Variants in LAMA2 observed in about 807,000 individuals in gnomAD.
LAMA2 encodes laminin subunit alpha 2.
LAMA2 carries 269 observed loss-of-function variants against 364.8 expected under a neutral mutation model. The observed-to-expected ratio is 0.74, with a 90% CI of 0.67 to 0.82. The LOEUF is 0.82. Among genes scored for constraint, LAMA2 ranks in the 40% least tolerant of loss-of-function variants. The pLI, the probability that LAMA2 is intolerant of heterozygous loss-of-function variation, is 0.00. For synonymous variants in LAMA2, 1,379 were observed against 1,370.6 expected (o/e 1.01, Z -0.14); for missense variants, 3,807 against 3,873.2 (o/e 0.98, Z 0.45).
intron 4 of LAMA2, among the ~76,000 whole-genome samples, chr6:129,111,538 A>G (rs1226874448): frequency 1.3e-5 from 2 of 151,954 alleles, no homozygotes; most frequent in African/African-American, 4.8e-5. Flanking sequence ...GAAATTGCCA[A>G]TATTTGACTA....
intron 4 of LAMA2, among the ~76,000 whole-genome samples, chr6:129,129,956 G>A (rs903650012): frequency 6.7e-6 from 1 of 150,266 alleles, no homozygotes; most frequent in Admixed American, 6.6e-5. Context: ...ACATATTTTA[G>A]AGACTCAGTA....
chr6:129,252,841 T>G (rs980263477), intron 14 of LAMA2, among the ~76,000 whole-genome samples: 1 of 152,190 alleles, frequency 6.6e-6, no homozygotes, highest in Non-Finnish European at 1.5e-5. Context: ...CCAAACTGAA[T>G]AGAAATTCAA....
chr6:129,075,457 C>G (rs932271564), intron 3 of LAMA2, among the ~76,000 whole-genome samples: 3 of 152,150 alleles, frequency 2.0e-5, no homozygotes, highest in Non-Finnish European at 4.4e-5. Flanking sequence ...TTTCCTTTAT[C>G]TCATTAGAAG....
intron 37 of LAMA2, among the ~76,000 whole-genome samples, chr6:129,397,938 G>GAAAAA (rs58131786): frequency 9.7e-6 from 1 of 103,532 alleles, no homozygotes; most frequent in South Asian, 3.3e-4. Context: ...CTCCGTCTCA[G>GAAAAA]AAAAAAAAAA....
intron 40 of LAMA2, among the ~76,000 whole-genome samples, chr6:129,422,544 G>A (rs1344499441): frequency 6.6e-6 from 1 of 152,114 alleles, no homozygotes; most frequent in Non-Finnish European, 1.5e-5. Flanking sequence ...AACTTCTGCA[G>A]ATAGTAAAGG....
At chr6:129,309,487 G>A (rs868494993) in intron 22 of LAMA2, among the ~76,000 whole-genome samples, 38 of 152,130 alleles carry the variant, frequency 2.5e-4, no homozygotes, top group African/African-American at 8.9e-4. Context: ...TCATATTTTA[G>A]TTAAAGATAA....
intron 22 of LAMA2, among the ~76,000 whole-genome samples, chr6:129,310,054 C>T (rs1185898190): frequency 1.5e-4 from 22 of 151,544 alleles, no homozygotes; most frequent in African/African-American, 5.1e-4. Flanking sequence ...CGCCCGCTAC[C>T]ACGCCCGGCT....
intron 12 of LAMA2, among the ~76,000 whole-genome samples, chr6:129,218,921 TCTAC>T (rs1486691378): frequency 3.3e-5 from 5 of 152,194 alleles, no homozygotes; most frequent in Admixed American, 3.3e-4. Flanking sequence ...GAAACTTTCA[TCTAC>T]CTTAATGATG....
intron 1 of LAMA2, among the ~76,000 whole-genome samples, chr6:128,948,270 G>A (rs1176625052): frequency 6.6e-6 from 1 of 152,118 alleles, no homozygotes; most frequent in Admixed American, 6.6e-5. Flanking sequence ...CTATAAACCT[G>A]TAGTGGGAAC....
At chr6:128,903,753 G>A (rs886495910) in intron 1 of LAMA2, among the ~76,000 whole-genome samples, 2 of 152,030 alleles carry the variant, frequency 1.3e-5, no homozygotes, top group African/African-American at 4.8e-5. Context: ...TTAAGATAAA[G>A]AGCTTGGCAA....
chr6:129,453,185 T>G, intron 46 of LAMA2, 54 bp downstream of exon 46: 1 of 1,512,390 alleles, frequency 6.6e-7, no homozygotes. Context: ...TAGCTAGAGG[T>G]TAATCTGAAA....
chr6:129,328,271 C>G lies in LAMA2; in HGVS notation c.4177-7C>G. ...TTGCTGTCCTAATTGGCTTCCTTTT[C>G]TTTCAGGCATGCTTGCCGGGATTTT... is the stretch of plus-strand genomic sequence containing the variant. On this transcript the variant is annotated splice_polypyrimidine_tract_variant and splice_region_variant and intron_variant, in intron 28 of 64. Transcript: ENST00000421865. 1 of 1,613,932 alleles carries G rather than the reference C, an allele frequency of 6.2e-7. No individual in the cohort carries two copies. The highest frequency in any genetic ancestry group is 8.5e-7 in the Non-Finnish European group (1 of 1,179,844).
Position 129,505,363 on chromosome 6 carries a change from T to A in LAMA2, c.8703+8T>A. On this transcript the variant is annotated splice_region_variant and intron_variant, in intron 61 of 64. Coordinates refer to ENST00000421865, the MANE Select transcript of LAMA2 (RefSeq NM_000426.4). ...ACCCGAAGAATTGGTCCAGTAAATA[T>A]CTGATTTCTTCTTTATTACTTAAAT... is the stretch of plus-strand genomic sequence containing the variant. The A allele has an allele frequency of 6.2e-7, 1 of 1,603,874 alleles. No individual in the cohort carries two copies.
At chr6:128,935,450 T>A (rs545290010) in intron 1 of LAMA2, among the ~76,000 whole-genome samples, 236 of 152,294 alleles carry the variant, frequency 1.5e-3, no homozygotes, top group Non-Finnish European at 2.3e-3. Context: ...ACATTTTCTT[T>A]ATCCAGTCTA....
intron 1 of LAMA2, among the ~76,000 whole-genome samples, chr6:128,928,210 A>C (rs955883051): frequency 1.3e-5 from 2 of 152,236 alleles, no homozygotes; most frequent in Admixed American, 6.5e-5. Flanking sequence ...TAATAACAGT[A>C]AATCTCTGGC....
chr6:128,914,095 A>G (rs765180786), intron 1 of LAMA2, among the ~76,000 whole-genome samples: 12 of 152,204 alleles, frequency 7.9e-5, no homozygotes, highest in Admixed American at 5.2e-4. Flanking sequence ...AACAGAAATT[A>G]TTTCCAACAT....
intron 28 of LAMA2, among the ~76,000 whole-genome samples, chr6:129,327,437 AAAT>A (rs1349564144): frequency 5.3e-5 from 8 of 152,232 alleles, no homozygotes; most frequent in African/African-American, 1.9e-4. Context: ...CAAGGTGGTA[AAAT>A]AGTCCCCTTG....
intron 32 of LAMA2, among the ~76,000 whole-genome samples, chr6:129,357,559 G>C (rs758754054): frequency 6.6e-5 from 10 of 151,942 alleles, no homozygotes; most frequent in Non-Finnish European, 1.2e-4. Flanking sequence ...TTGCAAAAGT[G>C]ATCATGAACT....
At chr6:128,935,639 A>G (rs1779770588) in intron 1 of LAMA2, among the ~76,000 whole-genome samples, 1 of 152,160 alleles carries the variant, frequency 6.6e-6, no homozygotes, top group Non-Finnish European at 1.5e-5. Flanking sequence ...TGTTGATTTC[A>G]TATCCTGCAA....
Sources: gnomAD v4.1 joint callset for allele counts (sites outside exome capture counted in the v4.1 genomes callset) on GRCh38, gnomAD v4.1.1 for gene constraint, MANE v1.5 for transcripts, NCBI Gene and HGNC (gene_info 2026-07-23, HGNC 2026-07-21) for gene names.